The following DCAF1 variants were observed in gnomAD, a reference collection of about 807,000 sequenced individuals.
DCAF1 encodes DDB1- and CUL4-associated factor 1.
DCAF1 carries 15 observed loss-of-function variants against 128.0 expected under a neutral mutation model. The ratio of observed to expected loss-of-function variants is 0.12; its 90% CI spans 0.08 to 0.18. The LOEUF (loss-of-function observed/expected upper bound fraction) is 0.18, where lower values mean the gene tolerates loss of function less well. Among genes scored for constraint, DCAF1 ranks in the 10% least tolerant of loss-of-function variants. The pLI, the probability that DCAF1 is intolerant of heterozygous loss-of-function variation, is 1.00. For missense variants in DCAF1, 988 were observed against 1,649.5 expected (o/e 0.60, Z 6.95); for synonymous variants, 610 against 603.0 (o/e 1.01, Z -0.17).
intron 3 of DCAF1, among the ~76,000 whole-genome samples, chr3:51,480,175 G>C (rs1705998255): frequency 6.6e-6 from 1 of 151,236 alleles, no homozygotes; most frequent in Non-Finnish European, 1.5e-5. Context: ...GTCAAAGTCA[G>C]TGAAGGTTTT....
At chr3:51,427,299 C>A (rs1699989914) in intron 13 of DCAF1, 73 bp downstream of exon 13, 1 of 619,360 alleles carries the variant, frequency 1.6e-6, no homozygotes, top group Admixed American at 2.7e-5. Context: ...TAAGCATATA[C>A]AATGTGCAAA....
At chr3:51,473,141 T>G (rs1704962705) in intron 3 of DCAF1, among the ~76,000 whole-genome samples, 1 of 150,326 alleles carries the variant, frequency 6.7e-6, no homozygotes, top group African/African-American at 2.4e-5. Flanking sequence ...CCGGGCACGG[T>G]GCCACATGCC....
rs1027232206 is a variant in DCAF1, at chr3:51,423,263, G to C, written c.1848-832C>G. On this transcript the variant is annotated intron_variant, in intron 13 of 24. Transcript: ENST00000684031. Reference sequence around the variant, plus strand: ...TCCTAGTGCTTTGGGAGGCTGAGGCGGGCAGATTGCCTGAGCTCAGGAGTT... The same window carrying C: ...TCCTAGTGCTTTGGGAGGCTGAGGCCGGCAGATTGCCTGAGCTCAGGAGTT... 4.6e-5 allele frequency among the ~76,000 whole-genome samples: 7 copies of C among 151,672 alleles called. No homozygotes were observed. The East Asian group carries it at 1.4e-3, about 30-fold the overall frequency.
At chr3:51,407,708 T>C (rs920302456) in intron 23 of DCAF1, among the ~76,000 whole-genome samples, 15 of 151,904 alleles carry the variant, frequency 9.9e-5, no homozygotes, top group African/African-American at 3.6e-4. Context: ...AGGCACCAGG[T>C]TGGGCGCGGT....
Position 51,410,696 on chromosome 3 carries a change from G to A in DCAF1, c.4212+1683C>T, listed in dbSNP as rs537924875. Reference sequence around the variant, plus strand: ...TAAGTACAAGCTGTTTTGAAAGGACGCTAAGAGAAAGCTATTACATTAGCC... The same window carrying A: ...TAAGTACAAGCTGTTTTGAAAGGACACTAAGAGAAAGCTATTACATTAGCC... On this transcript the variant is annotated intron_variant, in intron 23 of 24. Transcript: ENST00000684031. 1.3e-3 allele frequency among the ~76,000 whole-genome samples: 200 copies of A among 152,292 alleles called. 1 individual carries two copies. Among genetic ancestry groups the A allele is most frequent in the Non-Finnish European group, 2.1e-3 (142 of 68,028 alleles).
At chr3:51,397,189 T>C (rs944140688), downstream of DCAF1, 6 of 167,132 alleles carry the variant, frequency 3.6e-5, no homozygotes, top group Admixed American at 3.9e-4. Context: ...CAGCTGTTAT[T>C]TGGGCAAAAT....
At chr3:51,409,753 A>T (rs1366604456) in intron 23 of DCAF1, among the ~76,000 whole-genome samples, 1 of 152,216 alleles carries the variant, frequency 6.6e-6, no homozygotes, top group Admixed American at 6.5e-5. Flanking sequence ...AAAAGTAGGC[A>T]TTAAGGGAGT....
In DCAF1 at chr3:51,441,080, A is replaced by T; in HGVS notation, c.1027-9T>A. ...ATGAATATGGGAAGTAGCTGAAATG[A>T]ACACCAAATACAAGTCTTAAATTTT... is the stretch of plus-strand genomic sequence containing the variant. On this transcript the variant is annotated splice_polypyrimidine_tract_variant and intron_variant, in intron 8 of 24. Transcript: ENST00000684031. 2 of 1,602,932 alleles carry T rather than the reference A, an allele frequency of 1.2e-6. No homozygotes were observed. Among genetic ancestry groups the T allele is most frequent in the Non-Finnish European group, 1.7e-6 (2 of 1,173,918 alleles).
At chr3:51,399,626 C>T (rs1199806026) in intron 24 of DCAF1, among the ~76,000 whole-genome samples, 2 of 152,070 alleles carry the variant, frequency 1.3e-5, no homozygotes, top group Admixed American at 6.5e-5. Context: ...CAAAAAGGAC[C>T]CTCAAGATGA....
chr3:51,418,938 T>C (rs1185165059), intron 15 of DCAF1, 62 bp from the exon 16 acceptor site: 10 of 1,491,832 alleles, frequency 6.7e-6, no homozygotes, highest in Non-Finnish European at 8.9e-6. Flanking sequence ...AAAAGCAAAC[T>C]GCTAGGATAG....
At chr3:51,414,899 C>T in intron 18 of DCAF1, 42 bp from the exon 19 acceptor site, 5 of 1,584,666 alleles carry the variant, frequency 3.2e-6, no homozygotes, top group Non-Finnish European at 4.3e-6. Context: ...TCAGACCAAT[C>T]CATCCACTGA....
chr3:51,440,792 G>A (rs1213137636), intron 9 of DCAF1, among the ~76,000 whole-genome samples, 178 bp downstream of exon 9: 1 of 151,744 alleles, frequency 6.6e-6, no homozygotes, highest in Non-Finnish European at 1.5e-5. Context: ...AGTAATCCCA[G>A]CTACTCGGGA....
intron 4 of DCAF1, 28 bp downstream of exon 4, chr3:51,470,901 G>T: frequency 1.4e-6 from 2 of 1,448,656 alleles, no homozygotes; most frequent in South Asian, 1.4e-5. Flanking sequence ...AAAAAAAAAA[G>T]ACCCACACTT....
chr3:51,473,239 G>T (rs1203941423), intron 3 of DCAF1, among the ~76,000 whole-genome samples: 9 of 144,158 alleles, frequency 6.2e-5, no homozygotes, highest in Non-Finnish European at 7.5e-5. Context: ...TCCAGCTTGG[G>T]AAACAAGAGC....
intron 11 of DCAF1, 89 bp downstream of exon 11, chr3:51,429,944 C>T: frequency 1.5e-6 from 1 of 672,128 alleles, no homozygotes; most frequent in Non-Finnish European, 2.7e-6. Flanking sequence ...TAATCAGAAG[C>T]TTCCTTTCTT....
At chr3:51,433,439 A>T (rs967415047) in intron 9 of DCAF1, among the ~76,000 whole-genome samples, 175 bp from the exon 10 acceptor site, 1 of 151,932 alleles carries the variant, frequency 6.6e-6, no homozygotes, top group African/African-American at 2.4e-5. Context: ...ATTCCTTAAC[A>T]TTCCTCTTTT....
At chr3:51,408,175 T>C (rs1318433178) in intron 23 of DCAF1, among the ~76,000 whole-genome samples, 1 of 152,178 alleles carries the variant, frequency 6.6e-6, no homozygotes, top group African/African-American at 2.4e-5. Context: ...TAGATACAGC[T>C]AGCTGTACCT....
intron 1 of DCAF1, among the ~76,000 whole-genome samples, 106 bp from the exon 2 acceptor site, chr3:51,496,886 A>C (rs192926490): frequency 1.3e-5 from 2 of 152,302 alleles, no homozygotes; most frequent in Admixed American, 1.3e-4. Context: ...TTCTTATCCT[A>C]ACAAGCATCT....
In DCAF1 at chr3:51,463,217, G is replaced by T; in HGVS notation, c.272C>A (p.Ala91Glu). ...NDDFMNALVN[A>E]YVMTSREPPL... ...GGGCTCTCGGCTTGTCATCACATAT[G>T]CATTCACCAGCTGTAAAGAAAAAAA... The change falls in exon 6 of 25, where the codon GCA (alanine) becomes GAA (glutamate). Residue 91 changes from alanine to glutamate, a missense_variant. Physicochemically the swap from Ala to Glu is moderately radical, Grantham distance 107 (BLOSUM62 -1). Coordinates refer to ENST00000684031, the MANE Select transcript of DCAF1 (RefSeq NM_001387579.1). 6.4e-7 allele frequency: 1 copy of T among 1,563,216 alleles called. No individual in the cohort carries two copies. Among genetic ancestry groups the T allele is most frequent in the Non-Finnish European group, 8.6e-7 (1 of 1,156,144 alleles).
Sources: allele counts gnomAD v4.1 joint callset (sites outside exome capture counted in the v4.1 genomes callset), GRCh38; gene constraint gnomAD v4.1.1; transcripts MANE v1.5; gene names NCBI Gene and HGNC (gene_info 2026-07-23, HGNC 2026-07-21).